Variants in GAS7 observed in about 807,000 individuals in gnomAD.
GAS7 encodes the protein growth arrest-specific protein 7.
A neutral mutation model predicts 71.1 loss-of-function variants in GAS7; 28 were observed. The ratio of observed to expected loss-of-function variants is 0.39; its 90% CI spans 0.29 to 0.54. The LOEUF (loss-of-function observed/expected upper bound fraction) is 0.54. GAS7 is among the 20% of genes least tolerant of loss of function. GAS7 has a pLI of 0.62. For synonymous variants in GAS7, 258 were observed against 245.8 expected (o/e 1.05, Z -0.46); for missense variants, 436 against 627.8 (o/e 0.69, Z 3.27).
intron 11 of GAS7, among the ~76,000 whole-genome samples, chr17:9,921,802 A>G (rs1018852279): frequency 1.3e-5 from 2 of 151,944 alleles, no homozygotes; most frequent in Non-Finnish European, 2.9e-5. Context: ...TACTAAAAAT[A>G]TAAAAAATTA....
rs367765426 is a variant in GAS7 at position 9,917,380 on chromosome 17, G to A, written c.1318-39C>T. On this transcript the variant is annotated intron_variant, in intron 13 of 13. Transcript: ENST00000432992. Reference sequence around the variant, plus strand: ...AGAAAATGCGACACTGTTAGAGACGGCGGCCAAGCCAGGGAGGTCTCCTCT... The same window carrying A: ...AGAAAATGCGACACTGTTAGAGACGACGGCCAAGCCAGGGAGGTCTCCTCT... The A allele has an allele frequency of 2.5e-5, 34 of 1,387,464 alleles. No homozygotes were observed. The African/African-American group carries it at 4.1e-4, about 17-fold the overall frequency. The allele number at this position is 1,387,464 out of a possible 1,614,324, so 85.9% of individuals were successfully genotyped here. A position where few individuals can be genotyped will look rare whatever the true frequency, so the allele number is the denominator to read the frequency against.
chr17:9,942,583 T>C (rs190749513), intron 7 of GAS7, among the ~76,000 whole-genome samples: 33 of 146,552 alleles, frequency 2.3e-4, no homozygotes, highest in Admixed American at 8.3e-4. Flanking sequence ...AGGAGGAGGG[T>C]TCAACATCTC....
chr17:10,074,103 C>T (rs1041213605), intron 1 of GAS7, among the ~76,000 whole-genome samples: 2 of 152,076 alleles, frequency 1.3e-5, no homozygotes, highest in South Asian at 2.1e-4. Context: ...GTGTGATGGA[C>T]GTATGCAACG....
chr17:10,008,698 C>G (rs1348646993), intron 2 of GAS7, among the ~76,000 whole-genome samples: 1 of 152,114 alleles, frequency 6.6e-6, no homozygotes, highest in African/African-American at 2.4e-5. Flanking sequence ...GCTCTAACAG[C>G]CTTCCACTAA....
rs1567846284 is a variant in GAS7, at chr17:9,976,979, G to C, written c.385+4825C>G. Among the ~76,000 whole-genome samples, 3 of 152,096 alleles carry C rather than the reference G, an allele frequency of 2.0e-5. No homozygotes were observed. In the South Asian group the frequency reaches 6.2e-4, roughly 32 times the overall value. On this transcript the variant is annotated intron_variant, in intron 3 of 13. Coordinates refer to ENST00000432992, the MANE Select transcript of GAS7 (RefSeq NM_201433.2). ...AAATGCAATATGATTTCCAGGACTG[G>C]ATCCAAGAACAGAAAAAGGACATGA...
chr17:10,184,792 A>T (rs2074439806), intron 1 of GAS7, among the ~76,000 whole-genome samples: 1 of 152,192 alleles, frequency 6.6e-6, no homozygotes, highest in African/African-American at 2.4e-5. Flanking sequence ...GGGCCCTCAG[A>T]TAGCCCAGGT....
Position 9,977,113 on chromosome 17 carries a change from C to T in GAS7, c.385+4691G>A, listed in dbSNP as rs578099184. Among the ~76,000 whole-genome samples, 8 of 152,258 alleles carry T rather than the reference C, an allele frequency of 5.3e-5. No homozygotes were observed. The South Asian group carries it at 1.7e-3, about 32-fold the overall frequency. Reference sequence around the variant, plus strand: ...GTACCGTGGTTATGTAAGATGTCAACCGGGAGAACTGAGTACAGAAGGCAC... The same window carrying T: ...GTACCGTGGTTATGTAAGATGTCAATCGGGAGAACTGAGTACAGAAGGCAC... On this transcript the variant is annotated intron_variant, in intron 3 of 13. Transcript: ENST00000432992.
At chr17:10,019,967 A>G (rs1157964201) in intron 1 of GAS7, 70 bp from the exon 2 acceptor site, 1 of 1,458,312 alleles carries the variant, frequency 6.9e-7, no homozygotes, top group Admixed American at 1.7e-5. Context: ...CAGGAAGGCA[A>G]AGGCTGATGA....
At position 9,916,974 on chromosome 17, in the gene GAS7, G is replaced by T. The variant is rs1457129807; in HGVS notation, c.*254C>A. 7.3e-6 allele frequency: 4 copies of T among 546,162 alleles called. No homozygotes were observed. The Admixed American group carries it at 9.1e-5, about 12-fold the overall frequency. The allele number at this position is 546,162 out of a possible 1,614,324, so 33.8% of individuals were successfully genotyped here. A position where few individuals can be genotyped will look rare whatever the true frequency, so the allele number is the denominator to read the frequency against. ...TCCAGCCTCTGTTTGTTTCAGAGCG[G>T]CAAGCACAGCATGGGAGTCAGGGGG... On this transcript the variant is annotated 3_prime_UTR_variant, in exon 14 of 14. Coordinates refer to ENST00000432992, the MANE Select transcript of GAS7 (RefSeq NM_201433.2).
intron 12 of GAS7, 37 bp from the exon 13 acceptor site, chr17:9,918,136 G>C (rs543813303): frequency 6.7e-7 from 1 of 1,486,616 alleles, no homozygotes; most frequent in African/African-American, 1.4e-5. Context: ...CTCTGAGCAC[G>C]TCCCCTCCAC....
chr17:10,004,469 C>T (rs1008306810), intron 2 of GAS7, among the ~76,000 whole-genome samples: 9 of 152,144 alleles, frequency 5.9e-5, no homozygotes, highest in Admixed American at 2.0e-4. Context: ...AACTTCCCGC[C>T]GCACCACAGG....
At chr17:9,917,932 C>A in intron 13 of GAS7, 69 bp downstream of exon 13, 3 of 1,107,888 alleles carry the variant, frequency 2.7e-6, no homozygotes, top group Non-Finnish European at 4.0e-6. Context: ...TAACCTGCCA[C>A]GGCCTAGCGC....
intron 1 of GAS7, among the ~76,000 whole-genome samples, chr17:10,184,952 T>C (rs1315500230): frequency 7.1e-6 from 1 of 140,940 alleles, no homozygotes; most frequent in Non-Finnish European, 1.5e-5. Flanking sequence ...TGAGACGGAG[T>C]GTTGCTGTGT....
chr17:10,128,955 G>C (rs2073975120), intron 1 of GAS7, among the ~76,000 whole-genome samples: 1 of 152,060 alleles, frequency 6.6e-6, no homozygotes, highest in Non-Finnish European at 1.5e-5. Flanking sequence ...CAAACCAAAT[G>C]ATCTTTTAAC....
At position 9,946,905 on chromosome 17, in the gene GAS7, C is replaced by A. The variant is rs1210044321; in HGVS notation, c.604G>T (p.Asp202Tyr). 1 of 1,609,612 alleles carries A rather than the reference C, an allele frequency of 6.2e-7. No homozygotes were observed. The highest frequency in any genetic ancestry group is 8.5e-7 in the Non-Finnish European group (1 of 1,176,062). The change falls in exon 6 of 14, where the codon GAC (aspartate) becomes TAC (tyrosine). Residue 202 changes from aspartate to tyrosine, a missense_variant. Asp to Tyr is a radical substitution (Grantham distance 160, BLOSUM62 -3). Transcript: ENST00000432992. ...GAGGCGCTGCTTACCCAGAAGTAGTCGCAGTAGCTCCACTCGGTTGGTTTC... is the reference window on the plus strand; with the variant it reads ...GAGGCGCTGCTTACCCAGAAGTAGTAGCAGTAGCTCCACTCGGTTGGTTTC... ...LLKPTEWSYCDYFWADKKDPQ... is the reference protein window; with the variant it reads ...LLKPTEWSYCYYFWADKKDPQ...
At chr17:10,047,976 AAATT>A (rs1265623895) in intron 1 of GAS7, among the ~76,000 whole-genome samples, 1 of 152,186 alleles carries the variant, frequency 6.6e-6, no homozygotes, top group Non-Finnish European at 1.5e-5. Flanking sequence ...AGTATTAATA[AAATT>A]AATAATGAAT....
chr17:10,071,103 G>C (rs549378083), intron 1 of GAS7, among the ~76,000 whole-genome samples: 3 of 151,878 alleles, frequency 2.0e-5, no homozygotes, highest in African/African-American at 7.2e-5. Context: ...CTGGGTCAGA[G>C]GGTCCCACAC....
At chr17:9,941,995 C>G (rs113180004) in intron 7 of GAS7, among the ~76,000 whole-genome samples, 16,320 of 152,192 alleles carry the variant, frequency 0.11, 2,045 homozygotes, top group African/African-American at 0.31. Flanking sequence ...GCTCATGCCT[C>G]TAATCCCAGC....
chr17:9,926,924 C>T lies in GAS7; in HGVS notation c.886-155G>A. 1 of 712,964 alleles carries T rather than the reference C, an allele frequency of 1.4e-6. No homozygotes were observed. The allele number at this position is 712,964 out of a possible 1,614,324, so 44.2% of individuals were successfully genotyped here. On this transcript the variant is annotated intron_variant, in intron 9 of 13. Transcript: ENST00000432992. This position sits in a 1 kb window ranked among gnomAD's most constrained non-coding sequence, Gnocchi z 5.0. ...CAGGAAGGTGAGAGACACCCCCTGA[C>T]ACGTGGCTGCCTATCAGGTCTCAGC...
Sources: allele counts gnomAD v4.1 joint callset (sites outside exome capture counted in the v4.1 genomes callset), GRCh38; gene constraint gnomAD v4.1.1; non-coding constraint Gnocchi (gnomAD v3.1); transcripts MANE v1.5; gene names NCBI Gene and HGNC (gene_info 2026-07-23, HGNC 2026-07-21).